GAN: variants seen among roughly 807,000 people sequenced by gnomAD.
GAN encodes the protein gigaxonin, also known as epididymis secretory sperm binding protein.
Under a neutral mutation model 71.3 loss-of-function variants are expected in GAN, and 48 were observed. The observed-to-expected ratio is 0.67, with a 90% CI of 0.53 to 0.86. The LOEUF (loss-of-function observed/expected upper bound fraction) is 0.86. Ranked by LOEUF, GAN falls within the 40% of genes least tolerant of loss-of-function variation. The pLI is 0.00. For missense variants in GAN, 928 were observed against 770.1 expected (o/e 1.21, Z -2.43); for synonymous variants, 386 against 276.8 (o/e 1.39, Z -3.92).
rs187135940 is a variant in GAN, at chr16:81,343,093, C to G, written c.168-8490C>G. On this transcript the variant is annotated intron_variant, in intron 1 of 10. Coordinates refer to ENST00000648994, the MANE Select transcript of GAN (RefSeq NM_022041.4). Reference sequence around the variant, plus strand: ...ACTAAACCAGGAAGAAGTTGAATCTCTGAATAGACCAATAACAGGTTCTGA... The same window carrying G: ...ACTAAACCAGGAAGAAGTTGAATCTGTGAATAGACCAATAACAGGTTCTGA... Among the ~76,000 whole-genome samples, 529 of 152,234 alleles carry G rather than the reference C, an allele frequency of 3.5e-3. 5 individuals carry two copies. The highest frequency in any genetic ancestry group is 0.012 in the African/African-American group (498 of 41,540).
chr16:81,375,655 C>T (rs1413766406), intron 9 of GAN, among the ~76,000 whole-genome samples: 1 of 151,746 alleles, frequency 6.6e-6, no homozygotes, highest in African/African-American at 2.4e-5. Flanking sequence ...AACCTTTAAA[C>T]AGACATTTTA....
intron 1 of GAN, among the ~76,000 whole-genome samples, chr16:81,319,428 C>G (rs1909155084): frequency 6.6e-6 from 1 of 151,922 alleles, no homozygotes; most frequent in African/African-American, 2.4e-5. Flanking sequence ...TGATCTGATG[C>G]AAAGTTCAGA....
At chr16:81,364,426 C>T (rs938650740) in intron 7 of GAN, among the ~76,000 whole-genome samples, 4 of 152,176 alleles carry the variant, frequency 2.6e-5, no homozygotes, top group African/African-American at 4.8e-5. Context: ...CCACCACACC[C>T]AGCTAATTTT....
chr16:81,342,757 C>A (rs1405326367), intron 1 of GAN, among the ~76,000 whole-genome samples: 1 of 152,116 alleles, frequency 6.6e-6, no homozygotes, highest in Non-Finnish European at 1.5e-5. Context: ...CAAAAACTAG[C>A]AGAAGACAAG....
chr16:81,372,901 A>G (rs1911080973), intron 9 of GAN, among the ~76,000 whole-genome samples: 1 of 152,070 alleles, frequency 6.6e-6, no homozygotes, highest in Admixed American at 6.5e-5. Context: ...TTTCCATTTT[A>G]TTGGAGGCAT....
chr16:81,369,972 ATGT>A (rs973309438), intron 9 of GAN, among the ~76,000 whole-genome samples: 1 of 152,156 alleles, frequency 6.6e-6, no homozygotes, highest in Non-Finnish European at 1.5e-5. Context: ...CCTCACACAA[ATGT>A]TGTATCTTTA....
At chr16:81,326,723 C>T (rs1909401878) in intron 1 of GAN, among the ~76,000 whole-genome samples, 1 of 152,156 alleles carries the variant, frequency 6.6e-6, no homozygotes, top group South Asian at 2.1e-4. Flanking sequence ...GCTTCTAGGC[C>T]ACAGACCTAT....
At chr16:81,343,031 A>C (rs1399444738) in intron 1 of GAN, among the ~76,000 whole-genome samples, 1 of 152,256 alleles carries the variant, frequency 6.6e-6, no homozygotes, top group Non-Finnish European at 1.5e-5. Flanking sequence ...CATCTAGAAG[A>C]AATGGATAAA....
At chr16:81,316,442 G>A (rs1909043918) in intron 1 of GAN, among the ~76,000 whole-genome samples, 1 of 134,092 alleles carries the variant, frequency 7.5e-6, no homozygotes, top group Admixed American at 9.6e-5. Context: ...TCTTGGATTT[G>A]TTTTGTGAAT....
intron 2 of GAN, among the ~76,000 whole-genome samples, chr16:81,354,066 T>G (rs1174213741): frequency 2.0e-5 from 3 of 152,194 alleles, no homozygotes; most frequent in Admixed American, 6.5e-5. Flanking sequence ...AATGTAGAAC[T>G]TTCCATTTCC....
At chr16:81,319,156 C>T (rs911466283) in intron 1 of GAN, among the ~76,000 whole-genome samples, 2 of 150,072 alleles carry the variant, frequency 1.3e-5, no homozygotes, top group South Asian at 4.2e-4. Flanking sequence ...TGCAGCCTGC[C>T]TGGGTGACAG....
At chr16:81,375,597 A>G (rs1250231694) in intron 9 of GAN, among the ~76,000 whole-genome samples, 2 of 151,952 alleles carry the variant, frequency 1.3e-5, no homozygotes, top group Non-Finnish European at 2.9e-5. Flanking sequence ...AAGTATTGGG[A>G]TTGCAGACTT....
chr16:81,328,806 G>A (rs1348462879), intron 1 of GAN, among the ~76,000 whole-genome samples: 1 of 152,062 alleles, frequency 6.6e-6, no homozygotes. Flanking sequence ...TTCAGAGCAG[G>A]GATTGGCAGA....
In GAN at chr16:81,363,893, A is replaced by G; in HGVS notation, c.1186A>G (p.Ile396Val). 2.5e-6 allele frequency: 4 copies of G among 1,613,334 alleles called. No homozygotes were observed. Among genetic ancestry groups the G allele is most frequent in the Non-Finnish European group, 3.4e-6 (4 of 1,179,274 alleles). Reference sequence around the variant, plus strand: ...GCTGATTTCCATGGAGTGTTACGATATTTATTCTAAAACCTGGACAAAGCA... The same window carrying G: ...GCTGATTTCCATGGAGTGTTACGATGTTTATTCTAAAACCTGGACAAAGCA... ...KELISMECYDIYSKTWTKQPD... is the reference protein window; with the variant it reads ...KELISMECYDVYSKTWTKQPD... The change falls in exon 7 of 11, where the codon ATT (isoleucine) becomes GTT (valine). Residue 396 changes from isoleucine to valine, a missense_variant. Coordinates refer to ENST00000648994, the MANE Select transcript of GAN (RefSeq NM_022041.4).
intron 9 of GAN, among the ~76,000 whole-genome samples, chr16:81,366,591 AGTT>A (rs1488445248): frequency 6.6e-6 from 1 of 152,236 alleles, no homozygotes; most frequent in East Asian, 1.9e-4. Flanking sequence ...CGCAGTGAGC[AGTT>A]ACAAAGATGC....
rs191004030 is a variant in GAN at position 81,390,020 on chromosome 16, T to G, written c.*12424T>G. The stretch of plus-strand genomic sequence containing the variant: ...ATTTCTTTTAAATCCTGCAACTTTA[T>G]TATCTAGTAGAATTCCAAGTAGGTC... On this transcript the variant is annotated 3_prime_UTR_variant, in exon 11 of 11. Transcript: ENST00000648994. The G allele has an allele frequency of 4.6e-5, 7 of 152,344 alleles. No homozygotes were observed. In the East Asian group the frequency reaches 1.3e-3, roughly 29 times the overall value. 9.4% of individuals were successfully genotyped at this position (152,344 alleles called of 1,614,324 possible). A position where few individuals can be genotyped will look rare whatever the true frequency, so the allele number is the denominator to read the frequency against.
At chr16:81,322,541 G>A (rs1054234701) in intron 1 of GAN, among the ~76,000 whole-genome samples, 4 of 152,144 alleles carry the variant, frequency 2.6e-5, no homozygotes, top group Middle Eastern at 3.2e-3. Context: ...GGGTTTATTT[G>A]GATTTGAGTT....
intron 2 of GAN, 23 bp downstream of exon 2, chr16:81,351,720 GAAGA>G: frequency 1.9e-6 from 2 of 1,074,310 alleles, no homozygotes; most frequent in Non-Finnish European, 2.9e-6. Flanking sequence ...ACAAAGGAAG[GAAGA>G]CCTAAGTAGA....
intron 1 of GAN, among the ~76,000 whole-genome samples, chr16:81,336,485 A>T (rs1051493594): frequency 1.3e-5 from 2 of 152,086 alleles, no homozygotes; most frequent in African/African-American, 4.8e-5. Flanking sequence ...TTATTTTGAG[A>T]TAGGGTCTCA....
Sources: gnomAD v4.1 joint callset for allele counts (sites outside exome capture counted in the v4.1 genomes callset) on GRCh38, gnomAD v4.1.1 for gene constraint, MANE v1.5 for transcripts, NCBI Gene and HGNC (gene_info 2026-07-23, HGNC 2026-07-21) for gene names.